TRERF1: variants seen among roughly 807,000 people sequenced by gnomAD.
TRERF1 encodes transcriptional regulating factor 1.
In TRERF1, 27 loss-of-function variants were observed where a neutral mutation model predicts 122.9. That is an observed-to-expected ratio of 0.22 (90% CI 0.16 to 0.30). TRERF1 has a LOEUF of 0.30. Among genes scored for constraint, TRERF1 ranks in the 10% least tolerant of loss-of-function variants. The pLI, the probability that TRERF1 is intolerant of heterozygous loss-of-function variation, is 1.00. For missense variants in TRERF1, 1,248 were observed against 1,560.3 expected (o/e 0.80, Z 3.37); for synonymous variants, 636 against 641.7 (o/e 0.99, Z 0.13).
chr6:42,226,298 T>C (rs1014254747), exon 18 of TRERF1: 2 of 152,238 alleles, frequency 1.3e-5, no homozygotes, highest in African/African-American at 4.8e-5. Context: ...TTATAAACAC[T>C]TTTCTGGATG....
At chr6:42,246,974 TG>T (rs1007783006) in intron 13 of TRERF1, among the ~76,000 whole-genome samples, 2 of 152,248 alleles carry the variant, frequency 1.3e-5, no homozygotes, top group Non-Finnish European at 2.9e-5. Flanking sequence ...CTTCAGGGTG[TG>T]GCTGGATTCA....
At chr6:42,400,708 G>T (rs991508078) in intron 2 of TRERF1, among the ~76,000 whole-genome samples, 1 of 152,170 alleles carries the variant, frequency 6.6e-6, no homozygotes, top group Admixed American at 6.5e-5. Context: ...GAGGACTCAC[G>T]GAGAAGACAC....
At chr6:42,426,827 A>G (rs939343340) in intron 2 of TRERF1, among the ~76,000 whole-genome samples, 12 of 152,196 alleles carry the variant, frequency 7.9e-5, no homozygotes, top group African/African-American at 2.2e-4. Context: ...CCCTTTATAG[A>G]AAGTTTGCCA....
intron 3 of TRERF1, among the ~76,000 whole-genome samples, chr6:42,326,252 A>C (rs891645715): frequency 2.6e-5 from 3 of 114,898 alleles, no homozygotes; most frequent in African/African-American, 1.8e-4. Flanking sequence ...AAGGGGTGAC[A>C]GGGGCCTGTA....
intron 2 of TRERF1, among the ~76,000 whole-genome samples, chr6:42,447,625 T>C (rs139206669): frequency 6.6e-6 from 1 of 152,356 alleles, no homozygotes; most frequent in East Asian, 1.9e-4. Context: ...CAACCGCCTT[T>C]AGAGCAGGAC....
intron 4 of TRERF1, among the ~76,000 whole-genome samples, chr6:42,295,624 C>T (rs1784973645): frequency 6.6e-6 from 1 of 152,212 alleles, no homozygotes; most frequent in Non-Finnish European, 1.5e-5. Context: ...GAAGCCCTCC[C>T]TGACCATTGA....
intron 13 of TRERF1, among the ~76,000 whole-genome samples, chr6:42,252,480 T>A (rs185232743): frequency 6.6e-6 from 1 of 152,214 alleles, no homozygotes; most frequent in East Asian, 1.9e-4. Flanking sequence ...CTCAGGATGG[T>A]GACACTGGCC....
chr6:42,394,791 TAAAGGAAAGA>T (rs1206942719), intron 2 of TRERF1, among the ~76,000 whole-genome samples: 1 of 152,132 alleles, frequency 6.6e-6, no homozygotes, highest in Non-Finnish European at 1.5e-5. Flanking sequence ...TTAATCATTT[TAAAGGAAAGA>T]AAAGGAAAGG....
intron 2 of TRERF1, among the ~76,000 whole-genome samples, chr6:42,381,762 C>A (rs1775965198): frequency 6.6e-6 from 1 of 151,090 alleles, no homozygotes; most frequent in South Asian, 2.1e-4. Flanking sequence ...GCTTCAGCAC[C>A]TCCTGGGAGA....
chr6:42,302,237 T>C (rs61116412), intron 3 of TRERF1, among the ~76,000 whole-genome samples: 52 of 152,294 alleles, frequency 3.4e-4, no homozygotes, highest in African/African-American at 1.1e-3. Context: ...TTTAATGCTA[T>C]AAAATGATTT....
intron 4 of TRERF1, among the ~76,000 whole-genome samples, chr6:42,270,059 G>A (rs140718743): frequency 5.3e-5 from 8 of 152,298 alleles, no homozygotes; most frequent in Non-Finnish European, 7.4e-5. Flanking sequence ...GGTGGCATGC[G>A]CCTGTAGTCC....
chr6:42,377,707 C>T (rs530712027), intron 2 of TRERF1, among the ~76,000 whole-genome samples: 3 of 152,256 alleles, frequency 2.0e-5, no homozygotes, highest in East Asian at 1.9e-4. Context: ...CCCAGTTGTA[C>T]GGATTTTCCA....
intron 2 of TRERF1, among the ~76,000 whole-genome samples, chr6:42,414,415 T>G (rs916874469): frequency 5.3e-5 from 8 of 152,344 alleles, no homozygotes; most frequent in Middle Eastern, 3.4e-3. Context: ...TCAAAAATAT[T>G]ATACTGTCAA....
intron 2 of TRERF1, among the ~76,000 whole-genome samples, chr6:42,391,238 C>T (rs1777688603): frequency 6.6e-6 from 1 of 152,196 alleles, no homozygotes; most frequent in African/African-American, 2.4e-5. Flanking sequence ...CTACACTGGA[C>T]TGCAATGCAT....
chr6:42,427,828 GC>G (rs1396260295), intron 2 of TRERF1, among the ~76,000 whole-genome samples: 13 of 151,968 alleles, frequency 8.6e-5, no homozygotes, highest in Non-Finnish European at 1.9e-4. Flanking sequence ...GGAATTACAG[GC>G]ATGAGCCACC....
chr6:42,290,906 C>G (rs1226776048), intron 4 of TRERF1, among the ~76,000 whole-genome samples: 1 of 151,934 alleles, frequency 6.6e-6, no homozygotes, highest in African/African-American at 2.4e-5. Context: ...GCTTGGAGAC[C>G]AGTCTCCCTG....
At chr6:42,291,211 T>A (rs1485308235) in intron 4 of TRERF1, among the ~76,000 whole-genome samples, 1 of 152,206 alleles carries the variant, frequency 6.6e-6, no homozygotes, top group Non-Finnish European at 1.5e-5. Flanking sequence ...CCCCCAACCC[T>A]CTGATACTCT....
chr6:42,248,364 T>G (rs1338891608), intron 13 of TRERF1, among the ~76,000 whole-genome samples: 1 of 151,988 alleles, frequency 6.6e-6, no homozygotes, highest in Non-Finnish European at 1.5e-5. Flanking sequence ...TTTCTTTTTT[T>G]TTTTTGGAGA....
intron 2 of TRERF1, among the ~76,000 whole-genome samples, chr6:42,449,459 AG>A (rs1788089461): frequency 6.7e-6 from 1 of 150,228 alleles, no homozygotes; most frequent in South Asian, 2.2e-4. Flanking sequence ...CATTCTCGGT[AG>A]AAGAGGAAAA....
Sources: gnomAD v4.1 joint callset for allele counts (sites outside exome capture counted in the v4.1 genomes callset) on GRCh38, gnomAD v4.1.1 for gene constraint, MANE v1.5 for transcripts, NCBI Gene and HGNC (gene_info 2026-07-23, HGNC 2026-07-21) for gene names.